SKIDA1: variants seen among roughly 807,000 people sequenced by gnomAD.
SKIDA1 encodes SKI/DACH domain-containing protein 1.
SKIDA1 carries 18 observed loss-of-function variants against 51.4 expected under a neutral mutation model. That is an observed-to-expected ratio of 0.35 (90% confidence interval 0.24 to 0.52). The LOEUF is 0.52. Ranked by LOEUF, SKIDA1 falls within the 20% of genes least tolerant of loss-of-function variation. The pLI is 0.95. For synonymous variants in SKIDA1, 579 were observed against 500.5 expected (o/e 1.16, Z -2.09); for missense variants, 1,104 against 1,180.6 (o/e 0.94, Z 0.95).
In SKIDA1 at chr10:21,514,565, C is replaced by G. The variant is rs2032135382; in HGVS notation, c.*531G>C. 1 of 151,988 alleles carries G rather than the reference C, an allele frequency of 6.6e-6. No homozygotes were observed. Among genetic ancestry groups the G allele is most frequent in the Non-Finnish European group, 1.5e-5 (1 of 68,030 alleles). 9.4% of individuals were successfully genotyped at this position (151,988 alleles called of 1,614,324 possible). ...AAGGGGAGTCAAAAGAAAAAGATAC[C>G]CCACAAACAAGAGCTCCAGAAAATA... is the stretch of plus-strand genomic sequence containing the variant. On this transcript the variant is annotated 3_prime_UTR_variant, in exon 4 of 4. Transcript: ENST00000449193.
At chr10:21,522,819 C>T (rs1320758151) in intron 2 of SKIDA1, among the ~76,000 whole-genome samples, 1 of 152,164 alleles carries the variant, frequency 6.6e-6, no homozygotes, top group Admixed American at 6.5e-5. Context: ...AATCAAAATG[C>T]AGTGACCTTC....
In SKIDA1 at chr10:21,516,995, G is replaced by A; in HGVS notation, c.828C>T (p.Gly276=). 8.8e-7 allele frequency: 1 copy of A among 1,136,350 alleles called. No individual in the cohort carries two copies. The highest frequency in any genetic ancestry group is 1.1e-6 in the Non-Finnish European group (1 of 926,262). 70.4% of individuals were successfully genotyped at this position (1,136,350 alleles called of 1,614,324 possible). Residue 276 remains glycine (G), a synonymous_variant, in exon 4 of 4, where the codon GGC becomes GGT. Transcript: ENST00000449193. The surrounding 1 kb of genome is among the most constrained non-coding windows in gnomAD (Gnocchi z 5.7). ...GCGCGAGCAGGCAGTCCTTGGCGCC[G>A]CCGCGCTTGCGCTTGCAGCGGTAGC... ...SLSYRCKRKR[G]GAKDCLLAPH...
At position 21,516,241 on chromosome 10, in the gene SKIDA1, T is replaced by C. The variant is rs1740417132; in HGVS notation, c.1582A>G (p.Lys528Glu). The C allele has an allele frequency of 1.9e-6, 3 of 1,614,020 alleles. No homozygotes were observed. The highest frequency in any genetic ancestry group is 1.7e-6 in the Non-Finnish European group (2 of 1,179,894). ...GCCGGGCAGTACACCGGAGATGCTT[T>C]GGGGGCCCAGCTCTGCAGATTCCAC... ...AEWNLQSWAP[K>E]ASPVYCPASL... is the part of the protein sequence containing the mutation. Residue 528 changes from lysine (K) to glutamate (E), a missense_variant, in exon 4 of 4, where the codon AAA (lysine) becomes GAA (glutamate). Lys to Glu is a moderately conservative substitution (Grantham distance 56, BLOSUM62 1). Coordinates refer to ENST00000449193, the MANE Select transcript of SKIDA1 (RefSeq NM_207371.4). The surrounding 1 kb of genome is among the most constrained non-coding windows in gnomAD (Gnocchi z 5.7).
At position 21,518,942 on chromosome 10, in the gene SKIDA1, C is replaced by T. The variant is rs1419436243; in HGVS notation, c.-1120G>A. ...GCAGTTCAAGGCTCCAGCTCCGAAACACTGTAACAATTCAACTGGATTTCG... is the reference window on the plus strand; with the variant it reads ...GCAGTTCAAGGCTCCAGCTCCGAAATACTGTAACAATTCAACTGGATTTCG... On this transcript the variant is annotated 5_prime_UTR_variant, in exon 4 of 4. Coordinates refer to ENST00000449193, the MANE Select transcript of SKIDA1 (RefSeq NM_207371.4). 2 of 163,622 alleles carry T rather than the reference C, an allele frequency of 1.2e-5. No homozygotes were observed. Among genetic ancestry groups the T allele is most frequent in the Admixed American group, 1.4e-4 (2 of 14,742 alleles). The allele number at this position is 163,622 out of a possible 1,614,324, so 10.1% of individuals were successfully genotyped here.
chr10:21,523,637 C>T (rs995716530), intron 2 of SKIDA1, 46 bp downstream of exon 2: 1 of 152,028 alleles, frequency 6.6e-6, no homozygotes, highest in Non-Finnish European at 1.5e-5. Flanking sequence ...ACACAAGGGC[C>T]AAACATATAG....
Position 21,516,922 on chromosome 10 carries a change from C to T in SKIDA1, c.901G>A (p.Ala301Thr). 1 of 1,115,354 alleles carries T rather than the reference C, an allele frequency of 9.0e-7. No individual in the cohort carries two copies. Among genetic ancestry groups the T allele is most frequent in the Non-Finnish European group, 1.1e-6 (1 of 917,420 alleles). The allele number at this position is 1,115,354 out of a possible 1,614,324, so 69.1% of individuals were successfully genotyped here. Reference protein sequence around the residue: ...RLLLLPRSYKAKAAAAAAAAA... With the variant: ...RLLLLPRSYKTKAAAAAAAAA... ...GCCGCCGCCGCCGCCGCCGCCTTGGCTTTGTAGGACCTGGGCAACAGCAGC... is the reference window on the plus strand; with the variant it reads ...GCCGCCGCCGCCGCCGCCGCCTTGGTTTTGTAGGACCTGGGCAACAGCAGC... Residue 301 changes from alanine (A) to threonine (T), a missense_variant, in exon 4 of 4, where the codon GCC becomes ACC. Around this residue, in one of 3 missense-constraint regions of SKIDA1, gnomAD observed 938 missense variants for 886.4 expected, o/e 1.06. Transcript: ENST00000449193. The surrounding 1 kb of genome is among the most constrained non-coding windows in gnomAD (Gnocchi z 5.7).
chr10:21,515,011 A>C lies in SKIDA1; in HGVS notation c.*85T>G. On this transcript the variant is annotated 3_prime_UTR_variant, in exon 4 of 4. Transcript: ENST00000449193. ...CAGGACTCCAAAGGGGGTGTAACAC[A>C]TTAATGGACTTGTACAAACCATCCT... 6.9e-7 allele frequency: 1 copy of C among 1,444,496 alleles called. No individual in the cohort carries two copies. The highest frequency in any genetic ancestry group is 9.1e-7 in the Non-Finnish European group (1 of 1,102,096). The allele number at this position is 1,444,496 out of a possible 1,614,324, so 89.5% of individuals were successfully genotyped here.
Position 21,517,736 on chromosome 10 carries a change from G to C in SKIDA1, c.87C>G (p.Leu29=), listed in dbSNP as rs778884730. Residue 29 remains leucine (L), a synonymous_variant, in exon 4 of 4, where the codon CTC becomes CTG. Transcript: ENST00000449193. The surrounding 1 kb of genome is among the most constrained non-coding windows in gnomAD (Gnocchi z 6.9). ...LIIKGKQMFA[L]SQVFTDLLKN... ...TCAGCAGATCTGTGAAGACTTGGGA[G>C]AGGGCAAACATTTGCTTCCCTTTAA... 2.1e-5 allele frequency: 34 copies of C among 1,613,888 alleles called. No homozygotes were observed. The highest frequency in any genetic ancestry group is 1.6e-4 in the Middle Eastern group (1 of 6,084).
chr10:21,516,927 T>G lies in SKIDA1; in HGVS notation c.896A>C (p.Tyr299Ser), dbSNP rs771030061. 2 of 1,124,028 alleles carry G rather than the reference T, an allele frequency of 1.8e-6. No homozygotes were observed. Among genetic ancestry groups the G allele is most frequent in the South Asian group, 6.9e-5 (2 of 29,064 alleles). 69.6% of individuals were successfully genotyped at this position (1,124,028 alleles called of 1,614,324 possible). Residue 299 changes from tyrosine (Y) to serine (S), a missense_variant, in exon 4 of 4, where the codon TAC (tyrosine) becomes TCC (serine). Around this residue, in one of 3 missense-constraint regions of SKIDA1, gnomAD observed 938 missense variants for 886.4 expected, o/e 1.06. Coordinates refer to ENST00000449193, the MANE Select transcript of SKIDA1 (RefSeq NM_207371.4). This position sits in a 1 kb window ranked among gnomAD's most constrained non-coding sequence, Gnocchi z 5.7. ...ARRLLLLPRS[Y>S]KAKAAAAAAA... Reference sequence around the variant, plus strand: ...CGCCGCCGCCGCCGCCTTGGCTTTGTAGGACCTGGGCAACAGCAGCAGGCG... The same window carrying G: ...CGCCGCCGCCGCCGCCTTGGCTTTGGAGGACCTGGGCAACAGCAGCAGGCG...
In SKIDA1 at chr10:21,523,883, C is replaced by T. The variant is rs1049871513; in HGVS notation, c.-2117-12G>A. 4 of 131,794 alleles carry T rather than the reference C, an allele frequency of 3.0e-5. No individual in the cohort carries two copies. Among genetic ancestry groups the T allele is most frequent in the African/African-American group, 5.9e-5 (2 of 33,682 alleles). 8.2% of individuals were successfully genotyped at this position (131,794 alleles called of 1,614,324 possible). On this transcript the variant is annotated splice_polypyrimidine_tract_variant and intron_variant, in intron 1 of 3. Transcript: ENST00000449193. ...CAGCTACTGGGAACCTACAAAAAAGCGGGAGATAAAAAAAAAAAAAAAAAA... is the reference window on the plus strand; with the variant it reads ...CAGCTACTGGGAACCTACAAAAAAGTGGGAGATAAAAAAAAAAAAAAAAAA...
chr10:21,523,491 A>G (rs117269741), intron 2 of SKIDA1, among the ~76,000 whole-genome samples, 192 bp downstream of exon 2: 1,827 of 152,318 alleles, frequency 0.012, 19 homozygotes, highest in Non-Finnish European at 0.02. Context: ...TATGAGACAC[A>G]TGGGCCTTTC....
Position 21,515,989 on chromosome 10 carries a change from C to T in SKIDA1, c.1834G>A (p.Asp612Asn). 1 of 1,614,006 alleles carries T rather than the reference C, an allele frequency of 6.2e-7. No individual in the cohort carries two copies. Among genetic ancestry groups the T allele is most frequent in the Middle Eastern group, 1.7e-4 (1 of 6,060 alleles). Residue 612 changes from aspartate (D) to asparagine (N), a missense_variant, in exon 4 of 4, where the codon GAT becomes AAT. By Grantham distance (23) the Asp-to-Asn change is conservative (BLOSUM62 1). This residue lies in a region of SKIDA1 where 938 missense variants were observed against 886.4 expected (regional missense o/e 1.06). Coordinates refer to ENST00000449193, the MANE Select transcript of SKIDA1 (RefSeq NM_207371.4). ...LQTTPTTHCA[D>N]NNTIAARFLN... is the part of the protein sequence containing the mutation. The stretch of plus-strand genomic sequence containing the variant: ...AACCTAGCAGCTATTGTGTTGTTAT[C>T]TGCACAGTGTGTAGTAGGAGTTGTT...
intron 3 of SKIDA1, among the ~76,000 whole-genome samples, chr10:21,520,932 T>C (rs931700229): frequency 3.3e-5 from 5 of 152,274 alleles, no homozygotes; most frequent in Middle Eastern, 3.4e-3. Flanking sequence ...TTTACACTTA[T>C]ACATTTTTAA....
At chr10:21,520,483 C>CG (rs1164006319) in intron 3 of SKIDA1, among the ~76,000 whole-genome samples, 2 of 57,390 alleles carry the variant, frequency 3.5e-5, no homozygotes, top group East Asian at 0.011. Flanking sequence ...CCCCCACCCC[C>CG]GCCATTCCCC....
rs2032099945 is a variant in SKIDA1, at chr10:21,513,668, T to C, written c.*1428A>G. 2.0e-5 allele frequency: 3 copies of C among 152,656 alleles called. No individual in the cohort carries two copies. Among genetic ancestry groups the C allele is most frequent in the African/African-American group, 7.2e-5 (3 of 41,458 alleles). 9.5% of individuals were successfully genotyped at this position (152,656 alleles called of 1,614,324 possible). ...AAGTGCAAATATAGATAGTCACCTCTGATTGTCACTTGCAGTAGAAACTCT... is the reference window on the plus strand; with the variant it reads ...AAGTGCAAATATAGATAGTCACCTCCGATTGTCACTTGCAGTAGAAACTCT... On this transcript the variant is annotated 3_prime_UTR_variant, in exon 4 of 4. Coordinates refer to ENST00000449193, the MANE Select transcript of SKIDA1 (RefSeq NM_207371.4).
In SKIDA1 at chr10:21,516,726, TGGTGGTGAGGGG is replaced by T. The variant is rs759594340; in HGVS notation, c.1085_1096del (p.Pro362_His365del). 4 of 1,548,166 alleles carry T rather than the reference TGGTGGTGAGGGG, an allele frequency of 2.6e-6. No homozygotes were observed. In the African/African-American group the frequency reaches 4.1e-5, roughly 16 times the overall value. On this transcript the variant is annotated inframe_deletion, in exon 4 of 4. Coordinates refer to ENST00000449193, the MANE Select transcript of SKIDA1 (RefSeq NM_207371.4). The surrounding 1 kb of genome is among the most constrained non-coding windows in gnomAD (Gnocchi z 5.7). ...GCTGCCCAGATGGGGCTGCGGCCGG[TGGTGGTGAGGGG>T]GGTGGTGACTCTGCTGCGGCGGCTG...
intron 1 of SKIDA1, among the ~76,000 whole-genome samples, chr10:21,525,346 G>A (rs2032674829): frequency 1.3e-5 from 2 of 152,190 alleles, no homozygotes; most frequent in Non-Finnish European, 1.5e-5. Context: ...TTGCTTTGGG[G>A]TACGCTGGTT....
intron 2 of SKIDA1, among the ~76,000 whole-genome samples, chr10:21,523,354 GAATA>G (rs1394301595): frequency 6.6e-6 from 1 of 152,148 alleles, no homozygotes; most frequent in African/African-American, 2.4e-5. Flanking sequence ...TATGTGTGCT[GAATA>G]AATAAAGAAT....
Position 21,517,285 on chromosome 10 carries a change from G to T in SKIDA1, c.538C>A (p.His180Asn). The T allele has an allele frequency of 6.8e-7, 1 of 1,467,556 alleles. No homozygotes were observed. The highest frequency in any genetic ancestry group is 9.0e-7 in the Non-Finnish European group (1 of 1,107,366). 90.9% of individuals were successfully genotyped at this position (1,467,556 alleles called of 1,614,324 possible). A position where few individuals can be genotyped will look rare whatever the true frequency, so the allele number is the denominator to read the frequency against. ...PQIFSKYPGS[H>N]YPEIVRSPCK... ...GGCGAGCGCACGATCTCCGGGTAGT[G>T]CGAGCCGGGGTATTTGCTAAAAATC... is the stretch of plus-strand genomic sequence containing the variant. Residue 180 changes from histidine (H) to asparagine (N), a missense_variant, in exon 4 of 4, where the codon CAC (histidine) becomes AAC (asparagine). His to Asn is a moderately conservative substitution (Grantham distance 68, BLOSUM62 1). Around this residue, in one of 3 missense-constraint regions of SKIDA1, gnomAD observed 938 missense variants for 886.4 expected, o/e 1.06. Coordinates refer to ENST00000449193, the MANE Select transcript of SKIDA1 (RefSeq NM_207371.4). This position sits in a 1 kb window ranked among gnomAD's most constrained non-coding sequence, Gnocchi z 6.9.
Sources: allele counts gnomAD v4.1 joint callset (sites outside exome capture counted in the v4.1 genomes callset), GRCh38; gene constraint gnomAD v4.1.1; regional missense constraint gnomAD v4.1.1; non-coding constraint Gnocchi (gnomAD v3.1); transcripts MANE v1.5; gene names NCBI Gene and HGNC (gene_info 2026-07-23, HGNC 2026-07-21).